ELOVL7: variants seen among roughly 807,000 people sequenced by gnomAD.
ELOVL7 encodes very long chain fatty acid elongase 7.
Under a neutral mutation model 35.7 loss-of-function variants are expected in ELOVL7, and 27 were observed. The ratio of observed to expected loss-of-function variants is 0.76; its 90% CI spans 0.56 to 1.04. ELOVL7 has a LOEUF of 1.04. Ranked by LOEUF, ELOVL7 falls within the 50% of genes least tolerant of loss-of-function variation. The pLI, the probability that ELOVL7 is intolerant of heterozygous loss-of-function variation, is 0.00. For missense variants in ELOVL7, 327 were observed against 340.8 expected, an observed-to-expected ratio of 0.96 and a Z score of 0.32; for synonymous variants, 113 against 114.6, an observed-to-expected ratio of 0.99 and a Z score of 0.09.
rs560628690 is a variant in ELOVL7, at chr5:60,772,517, C to A, written c.65-424G>T. Among the ~76,000 whole-genome samples the A allele has an allele frequency of 6.6e-5, 10 of 152,252 alleles. No homozygotes were observed. The South Asian group carries it at 2.1e-3, about 32-fold the overall frequency. ...TAAATTTCCACTGCTTATAAACTACCCAGTCTATGATAATTTCTTAAGCAT... is the reference window on the plus strand; with the variant it reads ...TAAATTTCCACTGCTTATAAACTACACAGTCTATGATAATTTCTTAAGCAT... On this transcript the variant is annotated intron_variant, in intron 3 of 8. Coordinates refer to ENST00000508821, the MANE Select transcript of ELOVL7 (RefSeq NM_024930.3).
intron 1 of ELOVL7, among the ~76,000 whole-genome samples, chr5:60,820,575 C>T (rs1331472043): frequency 1.3e-5 from 2 of 152,164 alleles, no homozygotes; most frequent in Non-Finnish European, 2.9e-5. Flanking sequence ...CAATTCTATG[C>T]AAGAAGTTAG....
intron 2 of ELOVL7, among the ~76,000 whole-genome samples, chr5:60,795,406 TAAAG>T (rs930726644): frequency 1.3e-5 from 2 of 151,920 alleles, no homozygotes; most frequent in African/African-American, 4.8e-5. Flanking sequence ...AAGCAGGAGA[TAAAG>T]AAATAGTCAA....
chr5:60,765,582 A>C (rs988888806), intron 6 of ELOVL7, among the ~76,000 whole-genome samples: 2 of 152,170 alleles, frequency 1.3e-5, no homozygotes, highest in Non-Finnish European at 2.9e-5. Context: ...TATTAGCATC[A>C]TCTGAGAACT....
At chr5:60,787,531 A>T (rs374251938) in intron 2 of ELOVL7, 100 bp from the exon 3 acceptor site, 2 of 626,764 alleles carry the variant, frequency 3.2e-6, no homozygotes, top group Middle Eastern at 3.6e-4. Flanking sequence ...ATTTAATATG[A>T]ATAACTGGCA....
At chr5:60,834,861 A>AT (rs1332258121) in intron 1 of ELOVL7, among the ~76,000 whole-genome samples, 6 of 151,216 alleles carry the variant, frequency 4.0e-5, no homozygotes, top group Admixed American at 2.0e-4. Flanking sequence ...TTTTTAAAAA[A>AT]ATATATAAAT....
At chr5:60,761,616 G>T (rs990843604) in intron 7 of ELOVL7, among the ~76,000 whole-genome samples, 2 of 152,072 alleles carry the variant, frequency 1.3e-5, no homozygotes, top group African/African-American at 2.4e-5. Flanking sequence ...AGATTGTGAC[G>T]GGTATTGAAA....
At position 60,757,601 on chromosome 5, in the gene ELOVL7, C is replaced by T. The variant is rs1319820556; in HGVS notation, c.544G>A (p.Val182Ile). The stretch of plus-strand genomic sequence containing the variant: ...AGTCCATAGTAGGAATACATGACTA[C>T]ATGTACAGCTGTATTTAGAAGGGCA... ...FHALLNTAVH[V>I]VMYSYYGLSA... Residue 182 changes from valine (V) to isoleucine (I), a missense_variant, in exon 8 of 9, where the codon GTA becomes ATA. Coordinates refer to ENST00000508821, the MANE Select transcript of ELOVL7 (RefSeq NM_024930.3). The T allele has an allele frequency of 6.2e-7, 1 of 1,612,602 alleles. No homozygotes were observed.
intron 3 of ELOVL7, among the ~76,000 whole-genome samples, chr5:60,778,445 T>C (rs552536508): frequency 2.6e-5 from 4 of 152,324 alleles, no homozygotes; most frequent in South Asian, 2.1e-4. Context: ...CAGTTCTGCA[T>C]GGCCTGGGAG....
chr5:60,783,456 T>C (rs1177233953), intron 3 of ELOVL7, among the ~76,000 whole-genome samples: 1 of 152,224 alleles, frequency 6.6e-6, no homozygotes, highest in Non-Finnish European at 1.5e-5. Flanking sequence ...TATACCTTTC[T>C]GAATAGAGAG....
chr5:60,783,405 G>A (rs1416880335), intron 3 of ELOVL7, among the ~76,000 whole-genome samples: 5 of 152,130 alleles, frequency 3.3e-5, no homozygotes, highest in African/African-American at 9.7e-5. Context: ...CCATGACTCC[G>A]GCCATTGTTC....
intron 1 of ELOVL7, among the ~76,000 whole-genome samples, chr5:60,809,491 A>T (rs1160051344): frequency 6.6e-6 from 1 of 152,212 alleles, no homozygotes; most frequent in Admixed American, 6.5e-5. Flanking sequence ...TTTTCCAATA[A>T]AGAGTTGGAC....
At chr5:60,820,707 G>C (rs1282861781) in intron 1 of ELOVL7, among the ~76,000 whole-genome samples, 1 of 152,084 alleles carries the variant, frequency 6.6e-6, no homozygotes, top group Non-Finnish European at 1.5e-5. Flanking sequence ...GTTGGACCAC[G>C]AACCTGATCA....
At chr5:60,773,359 C>T (rs1742714102) in intron 3 of ELOVL7, among the ~76,000 whole-genome samples, 1 of 152,076 alleles carries the variant, frequency 6.6e-6, no homozygotes, top group African/African-American at 2.4e-5. Flanking sequence ...AATGATGTGG[C>T]CAAGCACTGA....
intron 2 of ELOVL7, among the ~76,000 whole-genome samples, chr5:60,797,142 AATT>A (rs1744309487): frequency 6.6e-6 from 1 of 152,212 alleles, no homozygotes; most frequent in South Asian, 2.1e-4. Flanking sequence ...CTCAGTAAAA[AATT>A]ATTTCAAATG....
At chr5:60,771,139 C>T (rs759455489) in intron 4 of ELOVL7, among the ~76,000 whole-genome samples, 2 of 152,034 alleles carry the variant, frequency 1.3e-5, no homozygotes, top group Non-Finnish European at 2.9e-5. Flanking sequence ...TGATTAAGCA[C>T]CAGTTATGCT....
At chr5:60,771,830 C>T (rs1006093401) in intron 4 of ELOVL7, 73 bp downstream of exon 4, 3 of 1,142,978 alleles carry the variant, frequency 2.6e-6, no homozygotes. Context: ...ACCCTTATAA[C>T]AGAAAACATA....
At chr5:60,796,168 A>G (rs1744249975) in intron 2 of ELOVL7, among the ~76,000 whole-genome samples, 1 of 152,154 alleles carries the variant, frequency 6.6e-6, no homozygotes, top group Non-Finnish European at 1.5e-5. Context: ...ATTAATCCAC[A>G]CATTTCCTAG....
rs1009970526 is a variant in ELOVL7 at position 60,752,488 on chromosome 5, G to T, written c.*2136C>A. 6.6e-6 allele frequency: 1 copy of T among 152,514 alleles called. No individual in the cohort carries two copies. The highest frequency in any genetic ancestry group is 1.5e-5 in the Non-Finnish European group (1 of 68,030). The allele number at this position is 152,514 out of a possible 1,614,324, so 9.4% of individuals were successfully genotyped here. On this transcript the variant is annotated 3_prime_UTR_variant, in exon 9 of 9. Coordinates refer to ENST00000508821, the MANE Select transcript of ELOVL7 (RefSeq NM_024930.3). ...ATACTACTTGGGTTCTTTGGAAATG[G>T]TGTGATTTCTAACAGCACCTAGCAT...
intron 2 of ELOVL7, among the ~76,000 whole-genome samples, chr5:60,791,266 C>T (rs560812274): frequency 3.7e-4 from 56 of 152,180 alleles, no homozygotes; most frequent in Non-Finnish European, 6.2e-4. Context: ...CGTGAGAAAC[C>T]GCACCCAGCC....
Sources: gnomAD v4.1 joint callset for allele counts (sites outside exome capture counted in the v4.1 genomes callset) on GRCh38, gnomAD v4.1.1 for gene constraint, MANE v1.5 for transcripts, NCBI Gene and HGNC (gene_info 2026-07-23, HGNC 2026-07-21) for gene names.